The following CDH26 variants were observed in gnomAD, a reference collection of about 807,000 sequenced individuals.
The protein encoded by CDH26 is cadherin-like protein 26.
Under a neutral mutation model 90.3 loss-of-function variants are expected in CDH26, and 83 were observed. The ratio of observed to expected loss-of-function variants is 0.92; its 90% CI spans 0.77 to 1.10. The LOEUF (loss-of-function observed/expected upper bound fraction) is 1.10, where lower values mean the gene tolerates loss of function less well. Ranked by LOEUF, CDH26 falls within the 50% of genes least tolerant of loss-of-function variation. The pLI is 0.00. For missense variants in CDH26, 1,013 were observed against 1,037.6 expected (o/e 0.98, Z 0.33); for synonymous variants, 397 against 396.3 (o/e 1.00, Z -0.02).
downstream of CDH26, among the ~76,000 whole-genome samples, chr20:60,016,923 G>C (rs2081992496): frequency 6.6e-6 from 1 of 152,032 alleles, no homozygotes; most frequent in Non-Finnish European, 1.5e-5. Flanking sequence ...CATGTGTACT[G>C]ATTTGGGTAT....
At chr20:60,018,604 A>G (rs1391367607), downstream of CDH26, among the ~76,000 whole-genome samples, 1 of 149,546 alleles carries the variant, frequency 6.7e-6, no homozygotes, top group East Asian at 2.1e-4. Context: ...CAAGGTTATT[A>G]TGGATAAGTG....
chr20:60,027,077 C>T (rs943499104), intron 7 of CDH26, among the ~76,000 whole-genome samples: 3 of 152,076 alleles, frequency 2.0e-5, no homozygotes, highest in South Asian at 4.2e-4. Context: ...GAGGGGCATG[C>T]GGAGGGTAGG....
chr20:59,980,602 A>G (rs1034498643), intron 4 of CDH26, among the ~76,000 whole-genome samples: 1 of 152,006 alleles, frequency 6.6e-6, no homozygotes, highest in Non-Finnish European at 1.5e-5. Flanking sequence ...CCGGCCATAT[A>G]TTGTTTGTTT....
intron 14 of CDH26, among the ~76,000 whole-genome samples, chr20:60,000,944 G>A (rs16983380): frequency 0.011 from 1,737 of 152,198 alleles, 30 homozygotes; most frequent in African/African-American, 0.038. Flanking sequence ...CTTCATTATT[G>A]AAGCGTCACT....
intron 11 of CDH26, among the ~76,000 whole-genome samples, chr20:59,994,704 C>T (rs1366384987): frequency 6.6e-6 from 1 of 152,100 alleles, no homozygotes; most frequent in East Asian, 1.9e-4. Context: ...AAACTCTCCT[C>T]ATCAGGGGGT....
At chr20:59,995,563 C>A (rs1475207187) in intron 11 of CDH26, among the ~76,000 whole-genome samples, 1 of 152,216 alleles carries the variant, frequency 6.6e-6, no homozygotes, top group Non-Finnish European at 1.5e-5. Flanking sequence ...TATCTTTTCC[C>A]TGTAAAAAAC....
intron 7 of CDH26, among the ~76,000 whole-genome samples, chr20:60,022,449 A>G (rs919344952): frequency 6.6e-6 from 1 of 152,152 alleles, no homozygotes; most frequent in African/African-American, 2.4e-5. Flanking sequence ...GGAGCTTTTC[A>G]TCTAAGATGT....
At position 59,992,917 on chromosome 20, in the gene CDH26, T is replaced by C. The variant is rs1457574015; in HGVS notation, c.1426+397T>C. On this transcript the variant is annotated intron_variant, in intron 10 of 17. Transcript: ENST00000348616. This position sits in a 1 kb window ranked among gnomAD's most constrained non-coding sequence, Gnocchi z 5.0. ...GGGACTGTAAGGGACACATTTGTCA[T>C]AAACCAGAATGGGTGGTTTTATAAG... Among the ~76,000 whole-genome samples the C allele has an allele frequency of 6.6e-6, 1 of 152,188 alleles. No homozygotes were observed. Among genetic ancestry groups the C allele is most frequent in the Admixed American group, 6.5e-5 (1 of 15,274 alleles).
intron 7 of CDH26, among the ~76,000 whole-genome samples, chr20:60,019,867 T>C (rs751207024): frequency 3.3e-5 from 5 of 152,242 alleles, no homozygotes; most frequent in Non-Finnish European, 5.9e-5. Context: ...GAAAAACTTA[T>C]TCATATAGAT....
chr20:60,000,683 G>C (rs1249684686), intron 14 of CDH26, among the ~76,000 whole-genome samples: 3 of 152,140 alleles, frequency 2.0e-5, no homozygotes. Context: ...TACAGGGGAG[G>C]GAACCAAAGC....
At chr20:59,985,857 A>G (rs1166435590) in intron 7 of CDH26, among the ~76,000 whole-genome samples, 1 of 152,148 alleles carries the variant, frequency 6.6e-6, no homozygotes, top group African/African-American at 2.4e-5. Context: ...CTACAACACG[A>G]TTTCTGTTTT....
chr20:59,983,403 C>T (rs184408929), intron 5 of CDH26, among the ~76,000 whole-genome samples: 2 of 152,296 alleles, frequency 1.3e-5, no homozygotes, highest in African/African-American at 4.8e-5. Context: ...AATGGCAACA[C>T]GATCACATCT....
Position 60,021,869 on chromosome 20 carries a change from C to CACACACACACACACAT in CDH26, c.948-9347_948-9346insTACACACACACACACA, listed in dbSNP as rs1555903642. ...ATCTGTACACACACACACACACACACACACACACACACACACACACACACA... is the reference window on the plus strand; with the variant it reads ...ATCTGTACACACACACACACACACACACACACACACACACATACACACACACACACACACACACACA... On this transcript the variant is annotated intron_variant, in intron 7 of 8. Transcript: ENST00000370991. Among the ~76,000 whole-genome samples the CACACACACACACACAT allele has an allele frequency of 1.9e-3, 192 of 102,884 alleles. 11 individuals are homozygous for CACACACACACACACAT. Among genetic ancestry groups the CACACACACACACACAT allele is most frequent in the South Asian group, 3.7e-3 (11 of 2,968 alleles). The allele number at this position is 102,884 out of a possible 152,430, so 67.5% of individuals were successfully genotyped here.
At chr20:59,979,444 A>T (rs2061367153) in intron 4 of CDH26, among the ~76,000 whole-genome samples, 1 of 151,764 alleles carries the variant, frequency 6.6e-6, no homozygotes, top group Non-Finnish European at 1.5e-5. Flanking sequence ...TGATCTGCCC[A>T]CCTGGGCCTA....
chr20:60,003,278 T>C (rs2061699813), intron 16 of CDH26, among the ~76,000 whole-genome samples: 2 of 152,184 alleles, frequency 1.3e-5, no homozygotes, highest in Admixed American at 6.5e-5. Flanking sequence ...AATAACTCCA[T>C]TGTAAATAAA....
At chr20:59,966,231 T>TAAAAAAAAAAAAAAAAAAAAAAA (rs60088029) in intron 1 of CDH26, among the ~76,000 whole-genome samples, 1 of 76,250 alleles carries the variant, frequency 1.3e-5, no homozygotes, top group African/African-American at 6.3e-5. Flanking sequence ...GGTGTTGCAT[T>TAAAAAAAAAAAAAAAAAAAAAAA]AAAAAAAAAA....
rs1203963896 is a variant in CDH26 at position 59,983,080 on chromosome 20, G to A, written c.541+10G>A. The A allele has an allele frequency of 4.3e-6, 7 of 1,611,958 alleles. No homozygotes were observed. Among genetic ancestry groups the A allele is most frequent in the Admixed American group, 3.3e-5 (2 of 59,798 alleles). ...GAAAACCAATCTGCAGGTGTGTGCG[G>A]CTGGGGGGCTGCCGGGCTTCCTTCT... On this transcript the variant is annotated intron_variant, in intron 5 of 17. Coordinates refer to ENST00000348616, the MANE Select transcript of CDH26 (RefSeq NM_177980.4).
intron 8 of CDH26, among the ~76,000 whole-genome samples, chr20:59,988,315 T>A (rs1369891883): frequency 6.6e-6 from 1 of 152,100 alleles, no homozygotes; most frequent in African/African-American, 2.4e-5. Context: ...TCTAGTGCAG[T>A]GCAGGGCAGG....
At chr20:59,983,404 G>A (rs560245807) in intron 5 of CDH26, among the ~76,000 whole-genome samples, 11 of 152,234 alleles carry the variant, frequency 7.2e-5, no homozygotes, top group South Asian at 2.1e-4. Flanking sequence ...ATGGCAACAC[G>A]ATCACATCTA....
Sources: gnomAD v4.1 joint callset for allele counts (sites outside exome capture counted in the v4.1 genomes callset) on GRCh38, gnomAD v4.1.1 for gene constraint, Gnocchi (gnomAD v3.1) non-coding constraint, MANE v1.5 for transcripts, NCBI Gene and HGNC (gene_info 2026-07-23, HGNC 2026-07-21) for gene names.